PPP4R3B: variants seen among roughly 807,000 people sequenced by gnomAD.
The protein encoded by PPP4R3B is serine/threonine-protein phosphatase 4 regulatory subunit 3B.
PPP4R3B carries 52 observed loss-of-function variants against 95.4 expected under a neutral mutation model. That is an observed-to-expected ratio of 0.54 (90% CI 0.44 to 0.69). The LOEUF (loss-of-function observed/expected upper bound fraction) is 0.69. PPP4R3B is among the 30% of genes least tolerant of loss of function. The pLI, the probability that PPP4R3B is intolerant of heterozygous loss-of-function variation, is 0.00. For missense variants in PPP4R3B, 1,003 were observed against 1,005.9 expected, an observed-to-expected ratio of 1.00 and a Z score of 0.04; for synonymous variants, 407 against 343.9, an observed-to-expected ratio of 1.18 and a Z score of -2.03.
chr2:55,593,366 A>G (rs1003060029), intron 4 of PPP4R3B, among the ~76,000 whole-genome samples: 7 of 152,144 alleles, frequency 4.6e-5, no homozygotes, highest in African/African-American at 1.7e-4. Flanking sequence ...TTCTCAGTTA[A>G]TTAACCTAAT....
intron 7 of PPP4R3B, among the ~76,000 whole-genome samples, chr2:55,582,888 T>C (rs1468347776): frequency 6.6e-6 from 1 of 152,214 alleles, no homozygotes; most frequent in Non-Finnish European, 1.5e-5. Context: ...CAAGTTTTAC[T>C]GAATGTTTCA....
chr2:55,555,032 A>G (rs201403203), intron 16 of PPP4R3B, among the ~76,000 whole-genome samples: 1 of 152,074 alleles, frequency 6.6e-6, no homozygotes, highest in Non-Finnish European at 1.5e-5. Flanking sequence ...TGTAATCCCA[A>G]CACTTTGGGA....
intron 4 of PPP4R3B, among the ~76,000 whole-genome samples, chr2:55,594,446 T>C (rs773579512): frequency 1.3e-5 from 2 of 152,184 alleles, no homozygotes; most frequent in Admixed American, 6.5e-5. Flanking sequence ...GTAAATCTTT[T>C]AGAAAAATAA....
chr2:55,579,644 A>T, intron 9 of PPP4R3B, 35 bp downstream of exon 9: 1 of 1,394,030 alleles, frequency 7.2e-7, no homozygotes. Context: ...TTCTTTAAAA[A>T]CAGAAATCAC....
intron 16 of PPP4R3B, among the ~76,000 whole-genome samples, chr2:55,557,275 C>T (rs1685976852): frequency 1.3e-5 from 2 of 152,200 alleles, no homozygotes; most frequent in South Asian, 2.1e-4. Flanking sequence ...TCACTGAAGC[C>T]TCCACCTCTC....
chr2:55,592,248 A>G (rs1307426479), intron 4 of PPP4R3B, among the ~76,000 whole-genome samples: 1 of 152,218 alleles, frequency 6.6e-6, no homozygotes, highest in Non-Finnish European at 1.5e-5. Context: ...ACTGAGGTTC[A>G]AAAAGTGAAC....
chr2:55,615,857 C>CAAAAAAAAAAAAAAAAAAAAAAAAAAAAA (rs58981030), intron 1 of PPP4R3B, among the ~76,000 whole-genome samples: 7 of 39,068 alleles, frequency 1.8e-4, no homozygotes, highest in African/African-American at 1.1e-3. Context: ...ACTCTGTCTC[C>CAAAAAAAAAAAAAAAAAAAAAAAAAAAAA]AAAAAAAAAA....
At chr2:55,586,868 C>G (rs1252233763) in intron 5 of PPP4R3B, 134 bp from the exon 6 acceptor site, 1 of 508,098 alleles carries the variant, frequency 2.0e-6, no homozygotes, top group African/African-American at 2.0e-5. Context: ...CTCCTCAAAA[C>G]TACATTAAAA....
At chr2:55,551,753 A>AAAATAAATAAATAAAT (rs34049444) in intron 16 of PPP4R3B, among the ~76,000 whole-genome samples, 1 of 151,272 alleles carries the variant, frequency 6.6e-6, no homozygotes, top group African/African-American at 2.4e-5. Flanking sequence ...CTCCATCTCA[A>AAAATAAATAAATAAAT]AAATAAATAA....
intron 8 of PPP4R3B, among the ~76,000 whole-genome samples, chr2:55,580,318 A>T (rs1012260373): frequency 1.3e-5 from 2 of 152,164 alleles, no homozygotes; most frequent in African/African-American, 4.8e-5. Flanking sequence ...TCAGAACAGC[A>T]AGCACCATAA....
In PPP4R3B at chr2:55,578,327, T is replaced by C; in HGVS notation, c.1484A>G (p.His495Arg). The C allele has an allele frequency of 7.0e-7, 1 of 1,429,098 alleles. No individual in the cohort carries two copies. 88.5% of individuals were successfully genotyped at this position (1,429,098 alleles called of 1,614,324 possible). A position where few individuals can be genotyped will look rare whatever the true frequency, so the allele number is the denominator to read the frequency against. Residue 495 changes from histidine (H) to arginine (R), a missense_variant, in exon 10 of 17, where the codon CAT becomes CGT. Around this residue, in one of 3 missense-constraint regions of PPP4R3B, gnomAD observed 695 missense variants for 686.2 expected, o/e 1.01. Coordinates refer to ENST00000616407, the MANE Select transcript of PPP4R3B (RefSeq NM_001122964.3). Reference protein sequence around the residue: ...DKCEKDFFLKHYRYSWSFICT... With the variant: ...DKCEKDFFLKRYRYSWSFICT... ...TATGAAACTCCAACTATATCTGTAA[T>C]GTTTTAAAAAAAAATCTGAAAAAAA...
rs560986837 is a variant in PPP4R3B, at chr2:55,569,098, T to C, written c.1766-735A>G. On this transcript the variant is annotated intron_variant, in intron 12 of 16. Coordinates refer to ENST00000616407, the MANE Select transcript of PPP4R3B (RefSeq NM_001122964.3). The stretch of plus-strand genomic sequence containing the variant: ...TCCAATATTATAATAATCCTCGCTC[T>C]ACAATCATAACCTAGGAAAAACCAG... Among the ~76,000 whole-genome samples, 7 of 152,270 alleles carry C rather than the reference T, an allele frequency of 4.6e-5. No homozygotes were observed. The South Asian group carries it at 1.4e-3, about 32-fold the overall frequency.
At chr2:55,578,037 G>C (rs1018824941) in intron 10 of PPP4R3B, among the ~76,000 whole-genome samples, 2 of 152,034 alleles carry the variant, frequency 1.3e-5, no homozygotes, top group African/African-American at 4.8e-5. Flanking sequence ...AAATAAATAA[G>C]AACTCTATTT....
At chr2:55,562,095 G>A (rs952215322) in intron 15 of PPP4R3B, among the ~76,000 whole-genome samples, 1 of 152,142 alleles carries the variant, frequency 6.6e-6, no homozygotes, top group Non-Finnish European at 1.5e-5. Context: ...TTTTGTGATA[G>A]TGAGTTCTCA....
intron 10 of PPP4R3B, among the ~76,000 whole-genome samples, chr2:55,578,042 CTA>C: frequency 6.6e-6 from 1 of 152,156 alleles, no homozygotes; most frequent in Middle Eastern, 3.4e-3. Context: ...AATAAGAACT[CTA>C]TTTCAATATG....
chr2:55,556,112 C>G (rs2103812324), intron 16 of PPP4R3B, among the ~76,000 whole-genome samples: 1 of 152,330 alleles, frequency 6.6e-6, no homozygotes, highest in South Asian at 2.1e-4. Context: ...GATAAAGAAT[C>G]TGTCACCACT....
At chr2:55,550,224 G>A (rs1685098482) in intron 16 of PPP4R3B, among the ~76,000 whole-genome samples, 2 of 152,114 alleles carry the variant, frequency 1.3e-5, no homozygotes, top group East Asian at 3.8e-4. Context: ...CTGGTTCTTG[G>A]ATTATTAATG....
At chr2:55,613,247 CAA>C (rs919830646) in intron 2 of PPP4R3B, among the ~76,000 whole-genome samples, 4 of 151,530 alleles carry the variant, frequency 2.6e-5, no homozygotes, top group Non-Finnish European at 4.4e-5. Flanking sequence ...TCAATTTAAA[CAA>C]AAATAAACAG....
chr2:55,590,098 C>T (rs960512560), intron 4 of PPP4R3B, among the ~76,000 whole-genome samples: 1 of 150,138 alleles, frequency 6.7e-6, no homozygotes, highest in Non-Finnish European at 1.5e-5. Context: ...GAGGCTGAGG[C>T]GGGGGGATCA....
Sources: gnomAD v4.1 joint callset for allele counts (sites outside exome capture counted in the v4.1 genomes callset) on GRCh38, gnomAD v4.1.1 for gene constraint, gnomAD v4.1.1 regional missense constraint, MANE v1.5 for transcripts, NCBI Gene and HGNC (gene_info 2026-07-23, HGNC 2026-07-21) for gene names.